ZFAT: variants seen among roughly 807,000 people sequenced by gnomAD.
ZFAT encodes zinc finger and AT-hook domain containing.
A neutral mutation model predicts 117.7 loss-of-function variants in ZFAT; 64 were observed. That is an observed-to-expected ratio of 0.54 (90% CI 0.44 to 0.67). The LOEUF (loss-of-function observed/expected upper bound fraction) is 0.67. Among genes scored for constraint, ZFAT ranks in the 30% least tolerant of loss-of-function variants. The pLI, the probability that ZFAT is intolerant of heterozygous loss-of-function variation, is 0.00. For synonymous variants in ZFAT, 679 were observed against 615.0 expected (o/e 1.10, Z -1.54); for missense variants, 1,433 against 1,584.5 (o/e 0.90, Z 1.62).
At chr8:134,581,222 G>A (rs1376346062) in intron 10 of ZFAT, among the ~76,000 whole-genome samples, 10 of 151,880 alleles carry the variant, frequency 6.6e-5, no homozygotes, top group Non-Finnish European at 1.5e-5. Context: ...GCTAGAACAA[G>A]GGGTCTATGA....
chr8:134,624,413 T>A (rs1282224910), intron 3 of ZFAT, among the ~76,000 whole-genome samples: 1 of 152,036 alleles, frequency 6.6e-6, no homozygotes, highest in Non-Finnish European at 1.5e-5. Flanking sequence ...CCCAGCACTT[T>A]GGGAGGCCAA....
intron 1 of ZFAT, among the ~76,000 whole-genome samples, chr8:134,666,711 A>G (rs1832240532): frequency 6.6e-6 from 1 of 152,202 alleles, no homozygotes; most frequent in Admixed American, 6.5e-5. Context: ...GGAGAGAAAA[A>G]TAACATGAAA....
chr8:134,603,742 A>G (rs2119877), intron 5 of ZFAT, among the ~76,000 whole-genome samples: 9,684 of 152,222 alleles, frequency 0.064, 1,065 homozygotes, highest in African/African-American at 0.22. Flanking sequence ...CACTTAGCCA[A>G]CTGGGCCTCT....
chr8:134,802,514 TTA>T, the ZFAT span, among the ~76,000 whole-genome samples: 1 of 152,176 alleles, frequency 6.6e-6, no homozygotes. Flanking sequence ...AACAGTGTAT[TTA>T]TATGACTATT....
chr8:134,679,584 T>C (rs946060039), intron 1 of ZFAT, among the ~76,000 whole-genome samples: 2 of 152,238 alleles, frequency 1.3e-5, no homozygotes, highest in Admixed American at 6.5e-5. Context: ...ATCCCATTAC[T>C]GGGTATATAT....
chr8:134,617,769 T>G (rs1375559049), intron 3 of ZFAT, among the ~76,000 whole-genome samples: 1 of 152,202 alleles, frequency 6.6e-6, no homozygotes, highest in African/African-American at 2.4e-5. Context: ...ACAAAAGCCC[T>G]CTGAGCTGCC....
At chr8:134,581,553 T>G (rs79597832) in intron 10 of ZFAT, among the ~76,000 whole-genome samples, 1,695 of 152,320 alleles carry the variant, frequency 0.011, 25 homozygotes, top group African/African-American at 0.038. Context: ...AGTGGTCCTC[T>G]CATTGCACCT....
intron 1 of ZFAT, among the ~76,000 whole-genome samples, chr8:134,665,638 C>G (rs1018150021): frequency 2.0e-5 from 3 of 152,222 alleles, no homozygotes; most frequent in Non-Finnish European, 4.4e-5. Context: ...AAACAGCAGT[C>G]TATAGAATAC....
chr8:134,804,562 T>A, the ZFAT span, among the ~76,000 whole-genome samples: 1 of 152,212 alleles, frequency 6.6e-6, no homozygotes, highest in East Asian at 1.9e-4. Flanking sequence ...TGTTGGGATG[T>A]TAAACTCCAG....
chr8:134,651,039 A>G (rs1831203474), intron 2 of ZFAT, among the ~76,000 whole-genome samples: 1 of 152,256 alleles, frequency 6.6e-6, no homozygotes, highest in Non-Finnish European at 1.5e-5. Flanking sequence ...AAGTGTTGGC[A>G]ACGATGTGGA....
At chr8:134,487,800 C>T (rs557507051) in intron 15 of ZFAT, among the ~76,000 whole-genome samples, 1 of 152,364 alleles carries the variant, frequency 6.6e-6, no homozygotes, top group South Asian at 2.1e-4. Flanking sequence ...CTGTTAAACA[C>T]CAGCAGCACT....
At chr8:134,808,945 C>T in the ZFAT span, among the ~76,000 whole-genome samples, 5 of 152,216 alleles carry the variant, frequency 3.3e-5, no homozygotes, top group Admixed American at 3.3e-4. Flanking sequence ...TATATCCATA[C>T]TGTGAAGGAT....
At chr8:134,535,501 C>T (rs1586661870) in intron 11 of ZFAT, among the ~76,000 whole-genome samples, 1 of 130,556 alleles carries the variant, frequency 7.7e-6, no homozygotes, top group Admixed American at 7.7e-5. Context: ...CCCTCCCCCT[C>T]CCTCTCCCTC....
Position 134,583,891 on chromosome 8 carries a change from C to A in ZFAT, c.2828G>T (p.Gly943Val). 6.2e-7 allele frequency: 1 copy of A among 1,612,274 alleles called. No homozygotes were observed. Residue 943 changes from glycine to valine, a missense_variant, in exon 10 of 16, where the codon GGC (glycine) becomes GTC (valine). Coordinates refer to ENST00000377838, the MANE Select transcript of ZFAT (RefSeq NM_020863.4). ...TGTCCCTTTTGATTTGAATTTCTTGCCACACATGTCACATAGGTGGGTTTT... is the reference window on the plus strand; with the variant it reads ...TGTCCCTTTTGATTTGAATTTCTTGACACACATGTCACATAGGTGGGTTTT... Reference protein sequence around the residue: ...TEKTHLCDMCGKKFKSKGTLK... With the variant: ...TEKTHLCDMCVKKFKSKGTLK...
At chr8:134,737,281 A>G in the ZFAT span, among the ~76,000 whole-genome samples, 1 of 147,104 alleles carries the variant, frequency 6.8e-6, no homozygotes, top group Admixed American at 6.8e-5. Context: ...ACTCCATCTC[A>G]AAAAAAATGA....
At chr8:134,616,533 C>A (rs1027816574) in intron 3 of ZFAT, among the ~76,000 whole-genome samples, 5 of 152,226 alleles carry the variant, frequency 3.3e-5, no homozygotes, top group African/African-American at 7.2e-5. Flanking sequence ...TCACATGTAT[C>A]ATGGCCTTTC....
the ZFAT span, chr8:134,723,157 AAC>A: frequency 6.6e-6 from 1 of 152,220 alleles, no homozygotes; most frequent in Admixed American, 6.5e-5. Flanking sequence ...GGCCTTGAGA[AAC>A]AGACGTGAAC....
At chr8:134,645,513 G>A (rs573251767) in intron 2 of ZFAT, among the ~76,000 whole-genome samples, 68 of 152,062 alleles carry the variant, frequency 4.5e-4, no homozygotes, top group African/African-American at 1.3e-3. Context: ...GAAAACATAC[G>A]GAAGAAGAAT....
chr8:134,799,701 G>A, the ZFAT span, among the ~76,000 whole-genome samples: 8 of 152,164 alleles, frequency 5.3e-5, no homozygotes, highest in East Asian at 1.5e-3. Flanking sequence ...CAAGATATGA[G>A]CTCCAGAAGC....
Sources: allele counts gnomAD v4.1 joint callset (sites outside exome capture counted in the v4.1 genomes callset), GRCh38; gene constraint gnomAD v4.1.1; transcripts MANE v1.5; gene names NCBI Gene and HGNC (gene_info 2026-07-23, HGNC 2026-07-21).